Variants in TAF3 observed in about 807,000 individuals in gnomAD.
TAF3 encodes the protein transcription initiation factor TFIID subunit 3.
In TAF3, 7 loss-of-function variants were observed where a neutral mutation model predicts 80.6. That is an observed-to-expected ratio of 0.09 (90% CI 0.05 to 0.16). The LOEUF (loss-of-function observed/expected upper bound fraction) is 0.16. Ranked by LOEUF, TAF3 falls within the 10% of genes least tolerant of loss-of-function variation. The probability of loss-of-function intolerance (pLI) is 1.00; values close to 1 mark genes in which losing one functional copy is unlikely to be tolerated. For missense variants in TAF3, 921 were observed against 1,140.2 expected (o/e 0.81, Z 2.77); for synonymous variants, 444 against 446.1 (o/e 1.00, Z 0.06).
At chr10:7,966,870 A>G (rs1018471920) in intron 3 of TAF3, among the ~76,000 whole-genome samples, 10 of 152,238 alleles carry the variant, frequency 6.6e-5, no homozygotes, top group African/African-American at 2.4e-4. Flanking sequence ...AAAATATAAA[A>G]AAGTGAAATG....
intron 2 of TAF3, among the ~76,000 whole-genome samples, chr10:7,835,962 T>C (rs1432414098): frequency 6.6e-6 from 1 of 152,184 alleles, no homozygotes; most frequent in East Asian, 1.9e-4. Flanking sequence ...AGCTTTTTGC[T>C]GCTTTCATCA....
intron 2 of TAF3, among the ~76,000 whole-genome samples, chr10:7,932,694 T>TTTTTTTTTTTTTTTTTG (rs1564365871): frequency 2.5e-5 from 3 of 119,878 alleles, no homozygotes; most frequent in Admixed American, 8.3e-5. Flanking sequence ...TTTTTTTTTT[T>TTTTTTTTTTTTTTTTTG]GGAGAGAGGG....
intron 2 of TAF3, among the ~76,000 whole-genome samples, chr10:7,952,485 C>T (rs1198755645): frequency 6.6e-6 from 1 of 152,120 alleles, no homozygotes; most frequent in African/African-American, 2.4e-5. Flanking sequence ...ACACGTTAGC[C>T]CAGGATGTAG....
chr10:7,940,474 C>T (rs748854580), intron 2 of TAF3, among the ~76,000 whole-genome samples: 8 of 152,158 alleles, frequency 5.3e-5, no homozygotes, highest in Non-Finnish European at 1.2e-4. Flanking sequence ...CTTATAGTTT[C>T]CTAATCCTGG....
At chr10:7,987,808 T>A (rs947921596) in intron 4 of TAF3, among the ~76,000 whole-genome samples, 1 of 152,214 alleles carries the variant, frequency 6.6e-6, no homozygotes, top group East Asian at 1.9e-4. Context: ...TTCATAGAAA[T>A]CCTTTCTTCT....
At chr10:7,918,606 C>T (rs765063813) in intron 2 of TAF3, among the ~76,000 whole-genome samples, 2 of 152,086 alleles carry the variant, frequency 1.3e-5, no homozygotes, top group Non-Finnish European at 2.9e-5. Context: ...GATATAGAAG[C>T]GGATGCACCA....
chr10:8,010,669 G>A (rs1298051902), intron 5 of TAF3, among the ~76,000 whole-genome samples: 1 of 152,222 alleles, frequency 6.6e-6, no homozygotes, highest in Non-Finnish European at 1.5e-5. Context: ...CACTTTGGGA[G>A]GCTGAGGCAG....
At chr10:7,968,385 C>T (rs776490332) in intron 3 of TAF3, among the ~76,000 whole-genome samples, 29 of 152,072 alleles carry the variant, frequency 1.9e-4, no homozygotes, top group Admixed American at 1.2e-3. Flanking sequence ...AAAGCTGATA[C>T]CAAGAACCAA....
intron 2 of TAF3, among the ~76,000 whole-genome samples, chr10:7,915,997 C>A (rs1050494327): frequency 2.6e-5 from 4 of 151,026 alleles, no homozygotes; most frequent in Non-Finnish European, 4.4e-5. Context: ...AAAAAAAAAA[C>A]CATGTAGTTT....
intron 2 of TAF3, among the ~76,000 whole-genome samples, chr10:7,857,700 TAA>T (rs1299875965): frequency 2.6e-5 from 4 of 152,266 alleles, no homozygotes; most frequent in African/African-American, 9.6e-5. Context: ...CACACGGGTA[TAA>T]ATATCTAAGA....
rs1422740785 is a variant in TAF3, at chr10:7,826,748, G to A, written c.409+2188G>A. Among the ~76,000 whole-genome samples the A allele has an allele frequency of 5.9e-5, 9 of 152,236 alleles. No homozygotes were observed. In the East Asian group the frequency reaches 1.5e-3, roughly 26 times the overall value. On this transcript the variant is annotated intron_variant, in intron 2 of 6. Coordinates refer to ENST00000344293, the MANE Select transcript of TAF3 (RefSeq NM_031923.4). Reference sequence around the variant, plus strand: ...AGTACAGTAAGATGCTTGTCAAAACGTTCTCCTCTTCATAAGAAAAGGATA... The same window carrying A: ...AGTACAGTAAGATGCTTGTCAAAACATTCTCCTCTTCATAAGAAAAGGATA...
intron 2 of TAF3, among the ~76,000 whole-genome samples, chr10:7,847,798 C>T (rs1050643762): frequency 5.9e-5 from 9 of 151,722 alleles, no homozygotes; most frequent in South Asian, 4.2e-4. Flanking sequence ...ACAAGAGTTT[C>T]GCTCTGTCTT....
chr10:7,888,054 T>C (rs954753752), intron 2 of TAF3, among the ~76,000 whole-genome samples: 5 of 152,188 alleles, frequency 3.3e-5, no homozygotes, highest in Non-Finnish European at 7.3e-5. Context: ...TCCCTTGCTC[T>C]GCAGCCAGCC....
chr10:8,002,060 T>A (rs890045958), intron 4 of TAF3, among the ~76,000 whole-genome samples: 1 of 152,208 alleles, frequency 6.6e-6, no homozygotes, highest in African/African-American at 2.4e-5. Flanking sequence ...TAACCTCCTC[T>A]TGTTGATAAC....
At chr10:7,869,293 G>C (rs149200975) in intron 2 of TAF3, among the ~76,000 whole-genome samples, 1 of 151,748 alleles carries the variant, frequency 6.6e-6, no homozygotes, top group Admixed American at 6.6e-5. Context: ...GTGTGGAGTG[G>C]AGGCAGGAGT....
intron 5 of TAF3, among the ~76,000 whole-genome samples, chr10:8,011,878 G>A (rs889375578): frequency 3.3e-5 from 5 of 152,266 alleles, no homozygotes; most frequent in Admixed American, 6.5e-5. Context: ...AATAGACAAT[G>A]TAGATGGAAA....
chr10:7,934,601 C>T (rs766465732), intron 2 of TAF3, among the ~76,000 whole-genome samples: 7 of 152,070 alleles, frequency 4.6e-5, no homozygotes, highest in South Asian at 2.1e-4. Context: ...CCCGCCACCA[C>T]GCCTGGCTAA....
intron 2 of TAF3, among the ~76,000 whole-genome samples, chr10:7,853,219 A>G (rs1191400359): frequency 2.0e-5 from 3 of 152,222 alleles, no homozygotes; most frequent in African/African-American, 7.2e-5. Flanking sequence ...AAAGGTGCTC[A>G]AACTCCATCA....
chr10:7,921,560 T>C (rs1196220484), intron 2 of TAF3, among the ~76,000 whole-genome samples: 2 of 152,190 alleles, frequency 1.3e-5, no homozygotes, highest in Non-Finnish European at 2.9e-5. Flanking sequence ...TAGCTCCTAG[T>C]AAGACAAGGT....
Sources: allele counts gnomAD v4.1 joint callset (sites outside exome capture counted in the v4.1 genomes callset), GRCh38; gene constraint gnomAD v4.1.1; transcripts MANE v1.5; gene names NCBI Gene and HGNC (gene_info 2026-07-23, HGNC 2026-07-21).